Variants in ROR1 observed in about 807,000 individuals in gnomAD.
The protein encoded by ROR1 is ROR family WNT receptor 1.
Under a neutral mutation model 78.8 loss-of-function variants are expected in ROR1, and 19 were observed. The ratio of observed to expected loss-of-function variants is 0.24; its 90% confidence interval spans 0.17 to 0.35. The LOEUF (loss-of-function observed/expected upper bound fraction) is 0.35. ROR1 is among the 10% of genes least tolerant of loss of function. The pLI is 1.00. For synonymous variants in ROR1, 386 were observed against 433.6 expected, an observed-to-expected ratio of 0.89 and a Z score of 1.36; for missense variants, 917 against 1,177.8, an observed-to-expected ratio of 0.78 and a Z score of 3.24.
chr1:63,929,847 G>A (rs140864734), intron 1 of ROR1, among the ~76,000 whole-genome samples: 27 of 152,244 alleles, frequency 1.8e-4, no homozygotes, highest in African/African-American at 6.5e-4. Flanking sequence ...AGAGGCACAA[G>A]GAGGTTTTGG....
chr1:63,979,467 G>A (rs1335155598), intron 1 of ROR1, among the ~76,000 whole-genome samples: 1 of 152,172 alleles, frequency 6.6e-6, no homozygotes, highest in African/African-American at 2.4e-5. Flanking sequence ...TGGAGCCATA[G>A]AAGAGGGCCA....
At chr1:63,946,575 A>G (rs1030332418) in intron 1 of ROR1, among the ~76,000 whole-genome samples, 3 of 152,228 alleles carry the variant, frequency 2.0e-5, no homozygotes, top group Non-Finnish European at 4.4e-5. Context: ...TTTGTCATGT[A>G]ATTTTTAAGG....
At chr1:64,084,576 C>T (rs1051483328) in intron 4 of ROR1, among the ~76,000 whole-genome samples, 4 of 152,158 alleles carry the variant, frequency 2.6e-5, no homozygotes, top group Admixed American at 1.3e-4. Flanking sequence ...TGGCATTTCT[C>T]ATTAGTCTTA....
At chr1:64,042,573 C>G (rs1020036129) in intron 2 of ROR1, among the ~76,000 whole-genome samples, 6 of 152,108 alleles carry the variant, frequency 3.9e-5, no homozygotes, top group African/African-American at 9.7e-5. Context: ...TGGTTTCGGT[C>G]CCTTCATACC....
intron 1 of ROR1, among the ~76,000 whole-genome samples, chr1:63,947,449 C>A (rs1399047039): frequency 1.3e-5 from 2 of 152,314 alleles, no homozygotes; most frequent in African/African-American, 4.8e-5. Flanking sequence ...GGAAAACATA[C>A]TTCAGTGTTA....
At chr1:63,797,733 A>G (rs1420230385) in intron 1 of ROR1, among the ~76,000 whole-genome samples, 1 of 152,196 alleles carries the variant, frequency 6.6e-6, no homozygotes, top group Non-Finnish European at 1.5e-5. Flanking sequence ...CAGCATAGCC[A>G]CTGGTAGTTG....
intron 1 of ROR1, among the ~76,000 whole-genome samples, chr1:63,989,851 G>A (rs1260003512): frequency 6.6e-6 from 1 of 152,210 alleles, no homozygotes; most frequent in South Asian, 2.1e-4. Flanking sequence ...AAGAACAGAT[G>A]CATGGATATG....
intron 7 of ROR1, among the ~76,000 whole-genome samples, chr1:64,151,351 C>T (rs1162954969): frequency 6.6e-6 from 1 of 152,144 alleles, no homozygotes; most frequent in Non-Finnish European, 1.5e-5. Flanking sequence ...GGTTTCAACC[C>T]ATACTCTTCT....
At chr1:64,124,164 G>T (rs1311401296) in intron 4 of ROR1, among the ~76,000 whole-genome samples, 1 of 152,158 alleles carries the variant, frequency 6.6e-6, no homozygotes, top group Non-Finnish European at 1.5e-5. Context: ...TCTGTGGTTT[G>T]TGGATGTAGA....
At chr1:64,083,717 G>C (rs1295418023) in intron 4 of ROR1, among the ~76,000 whole-genome samples, 1 of 152,266 alleles carries the variant, frequency 6.6e-6, no homozygotes, top group Non-Finnish European at 1.5e-5. Context: ...TTTCTGGAAC[G>C]TGGCAACAAG....
At chr1:63,862,347 T>TC (rs1476495442) in intron 1 of ROR1, among the ~76,000 whole-genome samples, 1 of 127,258 alleles carries the variant, frequency 7.9e-6, no homozygotes, top group Non-Finnish European at 1.5e-5. Flanking sequence ...TGAGCCAAGA[T>TC]CATACCACTG....
chr1:64,077,773 G>A (rs17126119), intron 4 of ROR1, among the ~76,000 whole-genome samples: 22,308 of 152,280 alleles, frequency 0.15, 1,738 homozygotes, highest in Middle Eastern at 0.2. Context: ...ATAAGTCAGA[G>A]GTTTTAAATG....
intron 1 of ROR1, among the ~76,000 whole-genome samples, chr1:63,986,626 C>G (rs1309996610): frequency 6.6e-6 from 1 of 152,306 alleles, no homozygotes; most frequent in African/African-American, 2.4e-5. Flanking sequence ...GGCGTGGTGG[C>G]TCACGCCTGT....
intron 2 of ROR1, among the ~76,000 whole-genome samples, chr1:64,024,562 A>C (rs1646593118): frequency 6.6e-6 from 1 of 152,230 alleles, no homozygotes; most frequent in Non-Finnish European, 1.5e-5. Context: ...TGAACCTATT[A>C]TCACCTATTG....
At chr1:63,910,321 G>A (rs1017901461) in intron 1 of ROR1, among the ~76,000 whole-genome samples, 6 of 152,160 alleles carry the variant, frequency 3.9e-5, no homozygotes, top group African/African-American at 1.4e-4. Context: ...CCAAGACAAT[G>A]TCCTTGTTTG....
At chr1:63,815,798 G>A (rs1644888640) in intron 1 of ROR1, among the ~76,000 whole-genome samples, 1 of 152,070 alleles carries the variant, frequency 6.6e-6, no homozygotes, top group African/African-American at 2.4e-5. Flanking sequence ...GAACCGCCAT[G>A]AATTACACAT....
At chr1:63,919,538 T>A (rs1645637563) in intron 1 of ROR1, among the ~76,000 whole-genome samples, 1 of 150,428 alleles carries the variant, frequency 6.6e-6, no homozygotes, top group Non-Finnish European at 1.5e-5. Context: ...TATTAGATAA[T>A]CTTTTTATTG....
At chr1:64,147,268 A>G (rs1433472972) in intron 7 of ROR1, among the ~76,000 whole-genome samples, 1 of 152,220 alleles carries the variant, frequency 6.6e-6, no homozygotes, top group African/African-American at 2.4e-5. Flanking sequence ...ACACAGTGAA[A>G]ATCCTGAGGA....
In ROR1 at chr1:63,807,225, G is replaced by A. The variant is rs147514107; in HGVS notation, c.91+32717G>A. Among the ~76,000 whole-genome samples the A allele has an allele frequency of 7.9e-5, 12 of 152,302 alleles. No homozygotes were observed. In the East Asian group the frequency reaches 2.3e-3, roughly 29 times the overall value. The stretch of plus-strand genomic sequence containing the variant: ...GCCACTTCTGGGAAAATTGCTTTAC[G>A]GAAATGCTGTTTTAACTGGGAGCAT... On this transcript the variant is annotated intron_variant, in intron 1 of 8. Coordinates refer to ENST00000371079, the MANE Select transcript of ROR1 (RefSeq NM_005012.4).
Sources: gnomAD v4.1 joint callset for allele counts (sites outside exome capture counted in the v4.1 genomes callset) on GRCh38, gnomAD v4.1.1 for gene constraint, MANE v1.5 for transcripts, NCBI Gene and HGNC (gene_info 2026-07-23, HGNC 2026-07-21) for gene names.